The following SPATA6 variants were observed in gnomAD, a reference collection of about 807,000 sequenced individuals.
The protein encoded by SPATA6 is spermatogenesis associated 6, also known as spermatogenesis-associated protein 6.
In SPATA6, 56 loss-of-function variants were observed where a neutral mutation model predicts 65.3. That is an observed-to-expected ratio of 0.86 (90% CI 0.69 to 1.07). The LOEUF (loss-of-function observed/expected upper bound fraction) is 1.07. Ranked by LOEUF, SPATA6 falls within the 50% of genes least tolerant of loss-of-function variation. The probability of loss-of-function intolerance (pLI) is 0.00; values close to 1 mark genes in which losing one functional copy is unlikely to be tolerated. For missense variants in SPATA6, 590 were observed against 594.8 expected, an observed-to-expected ratio of 0.99 and a Z score of 0.08; for synonymous variants, 199 against 213.2, an observed-to-expected ratio of 0.93 and a Z score of 0.58.
chr1:48,388,250 A>G (rs900477883), intron 8 of SPATA6, among the ~76,000 whole-genome samples: 3 of 151,958 alleles, frequency 2.0e-5, no homozygotes, highest in African/African-American at 7.3e-5. Context: ...CAAAAAAAAA[A>G]TCACACAGAG....
chr1:48,268,170 A>T, the SPATA6 span, among the ~76,000 whole-genome samples: 3 of 152,210 alleles, frequency 2.0e-5, no homozygotes, highest in Non-Finnish European at 4.4e-5. Flanking sequence ...ATGTGGGCAC[A>T]GGTCCAAGGG....
intron 3 of SPATA6, among the ~76,000 whole-genome samples, chr1:48,415,317 G>A (rs1652656926): frequency 6.6e-6 from 1 of 152,206 alleles, no homozygotes; most frequent in African/African-American, 2.4e-5. Flanking sequence ...GCAAGGCTTA[G>A]ATTTTTGTAG....
intron 1 of SPATA6, among the ~76,000 whole-genome samples, chr1:48,462,442 C>G (rs1657517481): frequency 6.6e-6 from 1 of 152,024 alleles, no homozygotes; most frequent in East Asian, 1.9e-4. Context: ...CAGTGCAAAA[C>G]AGAATAAACA....
At chr1:48,313,612 G>A (rs1446329230) in intron 11 of SPATA6, among the ~76,000 whole-genome samples, 1 of 152,076 alleles carries the variant, frequency 6.6e-6, no homozygotes, top group Non-Finnish European at 1.5e-5. Flanking sequence ...AACGACCATC[G>A]AGGCTAGGAA....
Position 48,406,227 on chromosome 1 carries a change from A to AAAAAC in SPATA6, c.406-2350_406-2346dup, listed in dbSNP as rs559662639. Reference sequence around the variant, plus strand: ...GGGTGACAAAGAAAGACCCTGTCTCAAAAACAAAACAAAACAAAAGAATCC... The same window carrying AAAAAC: ...GGGTGACAAAGAAAGACCCTGTCTCAAAAACAAAACAAAACAAAACAAAAGAATCC... On this transcript the variant is annotated intron_variant, in intron 5 of 12. Coordinates refer to ENST00000371847, the MANE Select transcript of SPATA6 (RefSeq NM_019073.4). Among the ~76,000 whole-genome samples, 20 of 152,226 alleles carry AAAAAC rather than the reference A, an allele frequency of 1.3e-4. No homozygotes were observed. In the East Asian group the frequency reaches 3.7e-3, roughly 28 times the overall value.
the SPATA6 span, among the ~76,000 whole-genome samples, chr1:48,283,628 G>A: frequency 3.0e-4 from 41 of 136,674 alleles, no homozygotes; most frequent in South Asian, 3.3e-3. Flanking sequence ...GCAGTAAGTC[G>A]AGATCACGCC....
intron 11 of SPATA6, among the ~76,000 whole-genome samples, chr1:48,313,575 A>G (rs561321943): frequency 4.0e-4 from 61 of 152,380 alleles, no homozygotes; most frequent in Non-Finnish European, 7.8e-4. Context: ...AACTGGTACC[A>G]GCCACTGCAA....
intron 3 of SPATA6, among the ~76,000 whole-genome samples, chr1:48,433,755 AC>A (rs1341773654): frequency 2.6e-5 from 4 of 152,162 alleles, no homozygotes; most frequent in African/African-American, 9.7e-5. Context: ...TCTCCTGAGG[AC>A]TGAGCCAGAA....
chr1:48,315,756 G>C (rs941478005), intron 11 of SPATA6, among the ~76,000 whole-genome samples: 1 of 152,176 alleles, frequency 6.6e-6, no homozygotes, highest in Admixed American at 6.5e-5. Context: ...AATTGTCCCT[G>C]TTTGCAGCTG....
intron 3 of SPATA6, among the ~76,000 whole-genome samples, chr1:48,429,395 G>A (rs75988409): frequency 0.066 from 10,070 of 152,168 alleles, 422 homozygotes; most frequent in Non-Finnish European, 0.093. Flanking sequence ...GGAAGGCTCC[G>A]AAAATACTTA....
chr1:48,414,335 C>G (rs1652558842), intron 3 of SPATA6, among the ~76,000 whole-genome samples: 1 of 152,162 alleles, frequency 6.6e-6, no homozygotes, highest in Non-Finnish European at 1.5e-5. Context: ...GCATTCCATT[C>G]TTAACAAAAC....
chr1:48,378,491 GAA>G, intron 9 of SPATA6, among the ~76,000 whole-genome samples: 1 of 152,086 alleles, frequency 6.6e-6, no homozygotes, highest in East Asian at 1.9e-4. Flanking sequence ...AGACTGGGAA[GAA>G]AAAGAGGTTT....
chr1:48,280,174 T>G, the SPATA6 span, among the ~76,000 whole-genome samples: 6 of 151,776 alleles, frequency 4.0e-5, no homozygotes. Context: ...CTGGGACACA[T>G]TCAAAGCAGT....
At chr1:48,393,991 A>G (rs1319480236) in intron 8 of SPATA6, among the ~76,000 whole-genome samples, 1 of 152,118 alleles carries the variant, frequency 6.6e-6, no homozygotes, top group Non-Finnish European at 1.5e-5. Flanking sequence ...TAGGGCATAC[A>G]AATTCAGTCC....
At chr1:48,471,490 A>G (rs1211417466) in intron 1 of SPATA6, among the ~76,000 whole-genome samples, 1 of 152,166 alleles carries the variant, frequency 6.6e-6, no homozygotes, top group African/African-American at 2.4e-5. Context: ...AGGCCCCTTC[A>G]TTAATGCGGG....
chr1:48,437,718 CTTA>C, intron 3 of SPATA6, among the ~76,000 whole-genome samples: 1 of 152,148 alleles, frequency 6.6e-6, no homozygotes, highest in East Asian at 1.9e-4. Flanking sequence ...TCTGTTAATA[CTTA>C]TGGTAACACC....
chr1:48,298,864 T>G lies in SPATA6; in HGVS notation c.1316A>C (p.His439Pro), dbSNP rs1417636023. The part of the protein sequence containing the change: ...SSCQQPRGTF[H>P]LDDGEYWSNR... ...GGACCAGTATTCACCGTCATCCAAA[T>G]GGAAAGTGCCACGTGGCTGCTGACA... is the stretch of plus-strand genomic sequence containing the variant. The change falls in exon 13 of 13, where the codon CAT becomes CCT. Residue 439 changes from histidine (H) to proline (P), a missense_variant. By Grantham distance (77) the His-to-Pro change is moderately conservative. Coordinates refer to ENST00000371847, the MANE Select transcript of SPATA6 (RefSeq NM_019073.4). 1 of 1,613,436 alleles carries G rather than the reference T, an allele frequency of 6.2e-7. No homozygotes were observed. Among genetic ancestry groups the G allele is most frequent in the Non-Finnish European group, 8.5e-7 (1 of 1,179,852 alleles).
At chr1:48,437,925 CTCTGTG>C (rs1162118966) in intron 3 of SPATA6, among the ~76,000 whole-genome samples, 1 of 150,818 alleles carries the variant, frequency 6.6e-6, no homozygotes, top group Admixed American at 6.6e-5. Context: ...CCAATCAGCG[CTCTGTG>C]TCTAGCTAAA....
rs887602288 is a variant in SPATA6, at chr1:48,319,919, C to T, written c.1195-14041G>A. ...CACATCCACAGTATGGAGAAGAGGGCAAACTATGCACTGTGCAACTTCCCA... is the reference window on the plus strand; with the variant it reads ...CACATCCACAGTATGGAGAAGAGGGTAAACTATGCACTGTGCAACTTCCCA... On this transcript the variant is annotated intron_variant, in intron 11 of 12. Coordinates refer to ENST00000371847, the MANE Select transcript of SPATA6 (RefSeq NM_019073.4). 2.0e-5 allele frequency among the ~76,000 whole-genome samples: 3 copies of T among 152,260 alleles called. No homozygotes were observed. In the South Asian group the frequency reaches 6.2e-4, roughly 32 times the overall value.
Sources: gnomAD v4.1 joint callset for allele counts (sites outside exome capture counted in the v4.1 genomes callset) on GRCh38, gnomAD v4.1.1 for gene constraint, MANE v1.5 for transcripts, NCBI Gene and HGNC (gene_info 2026-07-23, HGNC 2026-07-21) for gene names.